The following MLLT10 variants were observed in gnomAD, a reference collection of about 807,000 sequenced individuals.
MLLT10 encodes the protein protein AF-10.
A neutral mutation model predicts 129.1 loss-of-function variants in MLLT10; 30 were observed. The observed-to-expected ratio is 0.23, with a 90% CI of 0.17 to 0.32. The LOEUF (loss-of-function observed/expected upper bound fraction) is 0.32, where lower values mean the gene tolerates loss of function less well. MLLT10 is among the 10% of genes least tolerant of loss of function. MLLT10 has a pLI of 1.00. For synonymous variants in MLLT10, 490 were observed against 446.4 expected (o/e 1.10, Z -1.23); for missense variants, 1,119 against 1,268.3 (o/e 0.88, Z 1.79).
intron 3 of MLLT10, among the ~76,000 whole-genome samples, chr10:21,564,840 A>T (rs1373468510): frequency 6.6e-6 from 1 of 151,150 alleles, no homozygotes; most frequent in Non-Finnish European, 1.5e-5. Flanking sequence ...AAAAAAAAAA[A>T]GGTATTCCAC....
intron 14 of MLLT10, 122 bp downstream of exon 14, chr10:21,714,072 T>G (rs2056343704): frequency 1.3e-6 from 1 of 785,290 alleles, no homozygotes; most frequent in South Asian, 2.2e-5. Context: ...ATACCTCAAT[T>G]TGTATTAATG....
At chr10:21,731,206 G>T in intron 17 of MLLT10, 152 bp downstream of exon 17, 1 of 726,738 alleles carries the variant, frequency 1.4e-6, no homozygotes, top group East Asian at 2.9e-5. Flanking sequence ...AAGGTGAAGT[G>T]GTTTAATAGA....
chr10:21,717,810 T>TCCTTCTTCTC (rs2056820207), intron 14 of MLLT10, among the ~76,000 whole-genome samples: 12 of 87,964 alleles, frequency 1.4e-4, no homozygotes, highest in South Asian at 9.8e-4. Context: ...TCCTTCTTCT[T>TCCTTCTTCTC]CTCCTTCTTC....
intron 13 of MLLT10, among the ~76,000 whole-genome samples, chr10:21,683,746 G>A (rs1321178584): frequency 6.6e-6 from 1 of 151,460 alleles, no homozygotes; most frequent in Non-Finnish European, 1.5e-5. Flanking sequence ...TTGTGTTTGG[G>A]GTTTTGTTTT....
chr10:21,650,351 AAAAAG>A (rs1385670893), intron 8 of MLLT10, among the ~76,000 whole-genome samples: 4 of 152,130 alleles, frequency 2.6e-5, no homozygotes, highest in African/African-American at 7.2e-5. Flanking sequence ...GCCCTGTTTC[AAAAAG>A]AAAAGAAAAG....
Position 21,695,519 on chromosome 10 carries a change from T to C in MLLT10, c.1699+13262T>C, listed in dbSNP as rs1371642618. On this transcript the variant is annotated intron_variant, in intron 13 of 22. Coordinates refer to ENST00000307729, the MANE Select transcript of MLLT10 (RefSeq NM_001195626.3). ...TGTTCTTCTTTTTTATATAGAGTGT[T>C]CTTTTCTCACATTTAAAAAATGCAT... is the stretch of plus-strand genomic sequence containing the variant. Among the ~76,000 whole-genome samples the C allele has an allele frequency of 2.6e-5, 4 of 152,228 alleles. No homozygotes were observed. In the South Asian group the frequency reaches 8.3e-4, roughly 32 times the overall value.
chr10:21,740,452 G>T (rs930939135), intron 22 of MLLT10, among the ~76,000 whole-genome samples: 10 of 152,180 alleles, frequency 6.6e-5, no homozygotes, highest in Admixed American at 2.0e-4. Context: ...AGGCTGTTTT[G>T]TAATTCAGCA....
intron 13 of MLLT10, among the ~76,000 whole-genome samples, chr10:21,704,028 T>TG (rs1407822096): frequency 7.2e-6 from 1 of 138,136 alleles, no homozygotes; most frequent in Non-Finnish European, 1.6e-5. Flanking sequence ...TTTTTTTTTT[T>TG]TTTTTTTTTT....
At chr10:21,710,888 T>C (rs960844160) in intron 13 of MLLT10, among the ~76,000 whole-genome samples, 1 of 152,260 alleles carries the variant, frequency 6.6e-6, no homozygotes, top group African/African-American at 2.4e-5. Context: ...AACCAAACAC[T>C]GCTTTCAGTT....
chr10:21,535,436 C>T (rs1437356272), intron 2 of MLLT10, among the ~76,000 whole-genome samples: 2 of 152,126 alleles, frequency 1.3e-5, no homozygotes, highest in African/African-American at 2.4e-5. Context: ...CGTTGCTGAC[C>T]ATGCGGGAGT....
chr10:21,641,873 T>C (rs2048036788), intron 8 of MLLT10, among the ~76,000 whole-genome samples: 1 of 152,218 alleles, frequency 6.6e-6, no homozygotes, highest in Non-Finnish European at 1.5e-5. Flanking sequence ...TTTTCTAAGA[T>C]TGGTTAATTT....
At chr10:21,639,505 T>C (rs545498504) in intron 8 of MLLT10, among the ~76,000 whole-genome samples, 7 of 152,294 alleles carry the variant, frequency 4.6e-5, no homozygotes, top group African/African-American at 1.7e-4. Context: ...TTATGAAGGA[T>C]ATTACGAAGT....
chr10:21,549,084 C>G (rs549201869), intron 3 of MLLT10, among the ~76,000 whole-genome samples: 1 of 150,748 alleles, frequency 6.6e-6, no homozygotes, highest in African/African-American at 2.4e-5. Context: ...GTTTGGCCGA[C>G]CAGATTATAA....
intron 15 of MLLT10, among the ~76,000 whole-genome samples, chr10:21,727,096 C>T (rs893278034): frequency 6.6e-6 from 1 of 152,106 alleles, no homozygotes; most frequent in African/African-American, 2.4e-5. Context: ...TTTAGCAGTT[C>T]ACCAAGAATG....
At chr10:21,614,715 C>A in intron 6 of MLLT10, 116 bp from the exon 7 acceptor site, 1 of 709,320 alleles carries the variant, frequency 1.4e-6, no homozygotes, top group Non-Finnish European at 2.2e-6. Flanking sequence ...TCATTTTTTT[C>A]TTAGGAGATG....
chr10:21,663,379 T>C lies in MLLT10; in HGVS notation c.796-7070T>C, dbSNP rs570032571. 2.8e-5 allele frequency among the ~76,000 whole-genome samples: 4 copies of C among 141,780 alleles called. No individual in the cohort carries two copies. In the East Asian group the frequency reaches 8.1e-4, roughly 29 times the overall value. 93.0% of individuals were successfully genotyped at this position (141,780 alleles called of 152,430 possible). ...TCTCTGTGCACTGATTTGTCTTTCC[T>C]TTTTTTTTTTTTTTGAGACGGAGTT... On this transcript the variant is annotated intron_variant, in intron 9 of 22. Coordinates refer to ENST00000307729, the MANE Select transcript of MLLT10 (RefSeq NM_001195626.3).
chr10:21,661,062 G>A (rs1227158273), intron 9 of MLLT10, among the ~76,000 whole-genome samples: 1 of 151,740 alleles, frequency 6.6e-6, no homozygotes, highest in Non-Finnish European at 1.5e-5. Context: ...ATGTTGTTTA[G>A]AAGTGTCTTG....
chr10:21,664,827 C>A (rs565974558), intron 9 of MLLT10, among the ~76,000 whole-genome samples: 1 of 151,726 alleles, frequency 6.6e-6, no homozygotes, highest in East Asian at 1.9e-4. Flanking sequence ...AATCTACTGG[C>A]TGATATTAAT....
Position 21,584,756 on chromosome 10 carries a change from A to G in MLLT10, c.241-1538A>G, listed in dbSNP as rs531030343. ...TAGGGTGTGTATATATAGTGTGTGT[A>G]TATATATATAAAGTATGTGTGTATG... is the stretch of plus-strand genomic sequence containing the variant. On this transcript the variant is annotated intron_variant, in intron 3 of 22. Coordinates refer to ENST00000307729, the MANE Select transcript of MLLT10 (RefSeq NM_001195626.3). 1.3e-4 allele frequency among the ~76,000 whole-genome samples: 19 copies of G among 151,312 alleles called. No homozygotes were observed. In the South Asian group the frequency reaches 3.1e-3, roughly 25 times the overall value.
Sources: gnomAD v4.1 joint callset for allele counts (sites outside exome capture counted in the v4.1 genomes callset) on GRCh38, gnomAD v4.1.1 for gene constraint, MANE v1.5 for transcripts, NCBI Gene and HGNC (gene_info 2026-07-23, HGNC 2026-07-21) for gene names.